Variants in NCOA1 observed in about 807,000 individuals in gnomAD.
NCOA1 encodes the protein nuclear receptor coactivator 1, also known as Hin-2 protein.
In NCOA1, 35 loss-of-function variants were observed where a neutral mutation model predicts 150.9. That is an observed-to-expected ratio of 0.23 (90% confidence interval 0.18 to 0.31). The LOEUF is 0.31. Among genes scored for constraint, NCOA1 ranks in the 10% least tolerant of loss-of-function variants. NCOA1 has a pLI of 1.00. For missense variants in NCOA1, 1,491 were observed against 1,749.3 expected (o/e 0.85, Z 2.63); for synonymous variants, 590 against 630.0 (o/e 0.94, Z 0.95).
intron 6 of NCOA1, 79 bp downstream of exon 6, chr2:24,665,994 ATTATTATTATTATT>A (rs1303273671): frequency 1.3e-6 from 1 of 787,616 alleles, no homozygotes; most frequent in Non-Finnish European, 1.7e-6. Context: ...CTTTATTATT[ATTATTATTATTATT>A]TTATTATTAT....
intron 2 of NCOA1, among the ~76,000 whole-genome samples, chr2:24,575,080 T>A (rs1485878652): frequency 2.1e-5 from 1 of 48,340 alleles, no homozygotes; most frequent in Admixed American, 3.6e-4. Flanking sequence ...GTATGTTTTT[T>A]ATCTTTTTTT....
intron 6 of NCOA1, among the ~76,000 whole-genome samples, chr2:24,672,507 A>G (rs1452544291): frequency 6.6e-6 from 1 of 151,934 alleles, no homozygotes; most frequent in Non-Finnish European, 1.5e-5. Flanking sequence ...CGATCCTCCT[A>G]CCTCACCCTC....
chr2:24,555,544 CAGG>C (rs1410112219), intron 1 of NCOA1, among the ~76,000 whole-genome samples: 3 of 152,168 alleles, frequency 2.0e-5, no homozygotes, highest in African/African-American at 7.2e-5. Flanking sequence ...TGATTAATAA[CAGG>C]AGTATTCATA....
At position 24,726,683 on chromosome 2, in the gene NCOA1, T is replaced by C. The variant is rs770412620; in HGVS notation, c.2694T>C (p.Ala898=). 11 of 1,609,736 alleles carry C rather than the reference T, an allele frequency of 6.8e-6. No homozygotes were observed. The South Asian group carries it at 1.2e-4, about 18-fold the overall frequency. Residue 898 remains alanine, a synonymous_variant, in exon 15 of 23, where the codon GCT becomes GCC. Transcript: ENST00000348332. ...CATGGACAAATAATACAGTGACAGCTATAAATCAGAGTAAATCAGAAGAGT... is the reference window on the plus strand; with the variant it reads ...CATGGACAAATAATACAGTGACAGCCATAAATCAGAGTAAATCAGAAGAGT... ...QIPWTNNTVT[A]INQSKSEDQC... is the part of the protein sequence containing the mutation.
chr2:24,498,754 C>T (rs1558743296), intron 1 of NCOA1, among the ~76,000 whole-genome samples: 1 of 151,972 alleles, frequency 6.6e-6, no homozygotes, highest in Non-Finnish European at 1.5e-5. Flanking sequence ...TGGTGGGGAG[C>T]AGTATGTAGT....
intron 8 of NCOA1, among the ~76,000 whole-genome samples, chr2:24,684,256 A>G (rs999681235): frequency 2.0e-5 from 3 of 152,230 alleles, no homozygotes; most frequent in African/African-American, 7.2e-5. Flanking sequence ...TTTATTTTGT[A>G]TCAAAAAAAC....
chr2:24,528,698 A>G (rs918668966), intron 1 of NCOA1, among the ~76,000 whole-genome samples: 5 of 152,072 alleles, frequency 3.3e-5, no homozygotes, highest in African/African-American at 9.7e-5. Flanking sequence ...AAAAATATTT[A>G]ATAGATGCAA....
intron 1 of NCOA1, among the ~76,000 whole-genome samples, chr2:24,507,717 G>A (rs1317710303): frequency 1.3e-5 from 2 of 151,916 alleles, no homozygotes; most frequent in Admixed American, 6.6e-5. Flanking sequence ...CTTGTATTAC[G>A]TGGTCATCAT....
intron 22 of NCOA1, among the ~76,000 whole-genome samples, chr2:24,766,848 G>A (rs1006978650): frequency 3.9e-5 from 6 of 152,138 alleles, no homozygotes; most frequent in African/African-American, 1.4e-4. Flanking sequence ...GACTGGGCGC[G>A]TTGGTGTGTT....
At chr2:24,515,015 T>A (rs1264133147) in intron 1 of NCOA1, among the ~76,000 whole-genome samples, 2 of 152,184 alleles carry the variant, frequency 1.3e-5, no homozygotes. Flanking sequence ...TGCTTATCAA[T>A]CTGTGACCTT....
chr2:24,629,451 T>C lies in NCOA1; in HGVS notation c.-174-14515T>C, dbSNP rs889466942. ...AAATTAAGATATAACAAAATAACTC[T>C]GGGTTGACCTCTTACTGTACTGTTT... On this transcript the variant is annotated intron_variant, in intron 3 of 22. Coordinates refer to ENST00000348332, the MANE Select transcript of NCOA1 (RefSeq NM_003743.5). 2.7e-5 allele frequency among the ~76,000 whole-genome samples: 4 copies of C among 149,352 alleles called. No individual in the cohort carries two copies. The East Asian group carries it at 8.0e-4, about 30-fold the overall frequency.
chr2:24,668,543 G>A (rs1180780054), intron 6 of NCOA1, among the ~76,000 whole-genome samples: 1 of 152,058 alleles, frequency 6.6e-6, no homozygotes, highest in Non-Finnish European at 1.5e-5. Flanking sequence ...TTGAAGTTAT[G>A]AGTGCCAAAT....
At chr2:24,534,896 G>A (rs892465169) in intron 1 of NCOA1, among the ~76,000 whole-genome samples, 1 of 152,134 alleles carries the variant, frequency 6.6e-6, no homozygotes, top group Non-Finnish European at 1.5e-5. Context: ...GAATAAGTGG[G>A]ATGTGGTACT....
At chr2:24,627,121 G>GTTT (rs33949925) in intron 3 of NCOA1, among the ~76,000 whole-genome samples, 5,682 of 114,880 alleles carry the variant, frequency 0.049, 144 homozygotes, top group East Asian at 0.073. Context: ...GTTTTTTGCT[G>GTTT]TTTTTTTTTT....
At position 24,570,108 on chromosome 2, in the gene NCOA1, G is replaced by A. The variant is rs184967737; in HGVS notation, c.-260+5678G>A. On this transcript the variant is annotated intron_variant, in intron 2 of 22. Coordinates refer to ENST00000348332, the MANE Select transcript of NCOA1 (RefSeq NM_003743.5). ...GAATGCTGAAATTAAAAATCAGTGA[G>A]AAGTCTTGCTATATAATTTCTGGGT... Among the ~76,000 whole-genome samples, 4 of 145,564 alleles carry A rather than the reference G, an allele frequency of 2.7e-5. No homozygotes were observed. The East Asian group carries it at 8.1e-4, about 30-fold the overall frequency.
chr2:24,691,833 T>C (rs1672680429), intron 9 of NCOA1, among the ~76,000 whole-genome samples, 173 bp downstream of exon 9: 1 of 152,216 alleles, frequency 6.6e-6, no homozygotes, highest in African/African-American at 2.4e-5. Flanking sequence ...CAATAATTAC[T>C]AACATCTAGA....
intron 22 of NCOA1, among the ~76,000 whole-genome samples, chr2:24,765,819 C>T (rs913126076): frequency 6.6e-6 from 1 of 151,986 alleles, no homozygotes; most frequent in African/African-American, 2.4e-5. Flanking sequence ...TCTGAGACAC[C>T]CCCTTTTAAG....
chr2:24,663,606 G>C (rs572717326), intron 5 of NCOA1, among the ~76,000 whole-genome samples: 6 of 152,348 alleles, frequency 3.9e-5, no homozygotes, highest in African/African-American at 1.4e-4. Context: ...GATTCGTAAA[G>C]AGAGAAATAT....
At chr2:24,764,769 T>G (rs1436272044) in intron 22 of NCOA1, among the ~76,000 whole-genome samples, 1 of 152,140 alleles carries the variant, frequency 6.6e-6, no homozygotes, top group East Asian at 1.9e-4. Context: ...TCGATAGAAG[T>G]GCTAGTTTAG....
Sources: allele counts gnomAD v4.1 joint callset (sites outside exome capture counted in the v4.1 genomes callset), GRCh38; gene constraint gnomAD v4.1.1; transcripts MANE v1.5; gene names NCBI Gene and HGNC (gene_info 2026-07-23, HGNC 2026-07-21).